Variants in ITGB2 observed in about 807,000 individuals in gnomAD.
ITGB2 encodes the protein integrin subunit beta 2.
Under a neutral mutation model 86.8 loss-of-function variants are expected in ITGB2, and 56 were observed. That is an observed-to-expected ratio of 0.65 (90% CI 0.52 to 0.81). The LOEUF (loss-of-function observed/expected upper bound fraction) is 0.81. ITGB2 is among the 30% of genes least tolerant of loss of function. The pLI is 0.00. For synonymous variants in ITGB2, 457 were observed against 450.4 expected (o/e 1.01, Z -0.19); for missense variants, 948 against 1,061.2 (o/e 0.89, Z 1.48).
At chr21:44,915,399 T>G (rs1159222427) in intron 1 of ITGB2, among the ~76,000 whole-genome samples, 2 of 152,054 alleles carry the variant, frequency 1.3e-5, no homozygotes, top group Non-Finnish European at 2.9e-5. Context: ...GCAGACCCAT[T>G]GGAACTTTGC....
chr21:44,928,047 C>T (rs1335014377), intron 1 of ITGB2: 1 of 152,080 alleles, frequency 6.6e-6, no homozygotes, highest in Non-Finnish European at 1.5e-5. Context: ...CGCAGCTTCC[C>T]ACACTGGGAG....
chr21:44,893,705 C>T, intron 9 of ITGB2, 161 bp from the exon 10 acceptor site: 1 of 883,592 alleles, frequency 1.1e-6, no homozygotes, highest in East Asian at 2.8e-5. Flanking sequence ...CTGAGGATGG[C>T]AGGGCTGCCA....
At chr21:44,901,291 C>T (rs868335469) in intron 6 of ITGB2, among the ~76,000 whole-genome samples, 84 of 152,238 alleles carry the variant, frequency 5.5e-4, no homozygotes, top group Non-Finnish European at 2.5e-4. Flanking sequence ...GCATGATTTT[C>T]GAGCCCTCGT....
In ITGB2 at chr21:44,907,077, C is replaced by T. The variant is rs768468634; in HGVS notation, c.166G>A (p.Asp56Asn). 7 of 1,604,226 alleles carry T rather than the reference C, an allele frequency of 4.4e-6. No individual in the cohort carries two copies. In the South Asian group the frequency reaches 7.7e-5, roughly 18 times the overall value. Residue 56 changes from aspartate (D) to asparagine (N), a missense_variant, in exon 4 of 16, where the codon GAT (aspartate) becomes AAT (asparagine). By Grantham distance (23) the Asp-to-Asn change is conservative. Coordinates refer to ENST00000652462, the MANE Select transcript of ITGB2 (RefSeq NM_000211.5). ...CQKLNFTGPG[D>N]PDSIRCDTRP... ...GTGTCGCAGCGAATGGAGTCAGGAT[C>T]CCCCGGCCCTGTGAAGTTCTGGGGA...
At chr21:44,904,859 C>T (rs1023857843) in intron 4 of ITGB2, among the ~76,000 whole-genome samples, 2 of 151,992 alleles carry the variant, frequency 1.3e-5, no homozygotes, top group African/African-American at 2.4e-5. Flanking sequence ...CACACATGCG[C>T]TCACACACAC....
chr21:44,901,272 G>A (rs1465143005), intron 6 of ITGB2, among the ~76,000 whole-genome samples: 1 of 152,232 alleles, frequency 6.6e-6, no homozygotes, highest in African/African-American at 2.4e-5. Flanking sequence ...AGCAAACAAT[G>A]AAATCAGCGC....
chr21:44,901,205 C>T (rs982412091), intron 6 of ITGB2, among the ~76,000 whole-genome samples: 1 of 152,192 alleles, frequency 6.6e-6, no homozygotes, highest in African/African-American at 2.4e-5. Flanking sequence ...CACCCTTGGC[C>T]GCTCGCAAAA....
At chr21:44,922,837 C>T (rs913557078), upstream of ITGB2, 24 of 152,192 alleles carry the variant, frequency 1.6e-4, 1 homozygote, top group South Asian at 3.1e-3. Flanking sequence ...CAAGGTCTTG[C>T]GTTGGGTTTT....
At chr21:44,919,804 C>T (rs2084272169) in intron 1 of ITGB2, among the ~76,000 whole-genome samples, 1 of 152,210 alleles carries the variant, frequency 6.6e-6, no homozygotes, top group Admixed American at 6.5e-5. Flanking sequence ...AGAATCCCAG[C>T]TCCCAGATCC....
chr21:44,915,449 G>A (rs1284140229), intron 1 of ITGB2, among the ~76,000 whole-genome samples: 2 of 152,160 alleles, frequency 1.3e-5, no homozygotes, highest in Non-Finnish European at 2.9e-5. Context: ...CCCACCTTGC[G>A]CTGTCCTAGA....
upstream of ITGB2, among the ~76,000 whole-genome samples, chr21:44,923,153 C>T (rs1434199274): frequency 6.6e-6 from 1 of 152,122 alleles, no homozygotes; most frequent in African/African-American, 2.4e-5. Context: ...AAAGAAGCAT[C>T]AGGAGGGTGT....
At chr21:44,926,217 T>G (rs780459388) in intron 1 of ITGB2, among the ~76,000 whole-genome samples, 63 of 131,690 alleles carry the variant, frequency 4.8e-4, no homozygotes, top group Non-Finnish European at 6.6e-4. Flanking sequence ...GCCGTGACCT[T>G]GCTATGGGGG....
intron 8 of ITGB2, among the ~76,000 whole-genome samples, chr21:44,898,840 G>A (rs1568889638): frequency 6.6e-6 from 1 of 152,254 alleles, no homozygotes; most frequent in Non-Finnish European, 1.5e-5. Flanking sequence ...TAACACAGCT[G>A]AGTTTCAGGG....
chr21:44,909,670 G>A (rs554134027), intron 3 of ITGB2, among the ~76,000 whole-genome samples: 20 of 152,312 alleles, frequency 1.3e-4, no homozygotes, highest in Non-Finnish European at 2.4e-4. Flanking sequence ...ATATGCTCAC[G>A]AAGACATCAT....
upstream of ITGB2, among the ~76,000 whole-genome samples, chr21:44,922,219 A>G (rs898309392): frequency 1.3e-5 from 2 of 152,222 alleles, no homozygotes; most frequent in African/African-American, 4.8e-5. Context: ...GGGAGGGGCC[A>G]GGGAGCACAT....
chr21:44,903,513 C>A lies in ITGB2; in HGVS notation c.351G>T (p.Val117=). 1 of 1,614,032 alleles carries A rather than the reference C, an allele frequency of 6.2e-7. No individual in the cohort carries two copies. Among genetic ancestry groups the A allele is most frequent in the South Asian group, 1.1e-5 (1 of 91,048 alleles). ...LRPGQAAAFN[V]TFRRAKGYPI... ...GGTAGCCCTTGGCCCGCCGGAAGGT[C>A]ACGTTGAACGCTGCTGCCTGGCCTG... The change falls in exon 5 of 16, where the codon GTG becomes GTT. Residue 117 remains valine, a synonymous_variant. Transcript: ENST00000652462.
chr21:44,895,004 G>T lies in ITGB2; in HGVS notation c.1050C>A (p.Ser350Arg). 2 of 1,612,874 alleles carry T rather than the reference G, an allele frequency of 1.2e-6. No homozygotes were observed. The change falls in exon 9 of 16, where the codon AGC (serine) becomes AGA (arginine). Residue 350 changes from serine (S) to arginine (R), a missense_variant. Transcript: ENST00000652462. ...CATTCTTAATGAGATGGACCACATT[G>T]CTGGAGTCCTCAGACAGCTCCCCCA... ...SAVGELSEDSSNVVHLIKNAY... is the reference protein window; with the variant it reads ...SAVGELSEDSRNVVHLIKNAY...
intron 8 of ITGB2, among the ~76,000 whole-genome samples, chr21:44,897,797 A>T (rs2083891226): frequency 6.6e-6 from 1 of 152,146 alleles, no homozygotes; most frequent in Admixed American, 6.5e-5. Context: ...GTACAATGAC[A>T]ACCACCTCCT....
chr21:44,902,493 A>C (rs2083976613), intron 5 of ITGB2, among the ~76,000 whole-genome samples: 1 of 148,972 alleles, frequency 6.7e-6, no homozygotes, highest in Non-Finnish European at 1.5e-5. Flanking sequence ...GAGAGCATGC[A>C]TTTGTGTGTT....
Sources: allele counts gnomAD v4.1 joint callset (sites outside exome capture counted in the v4.1 genomes callset), GRCh38; gene constraint gnomAD v4.1.1; transcripts MANE v1.5; gene names NCBI Gene and HGNC (gene_info 2026-07-23, HGNC 2026-07-21).